MANSC4: variants seen among roughly 807,000 people sequenced by gnomAD.
MANSC4 encodes MANSC domain containing 4.
Under a neutral mutation model 11.4 loss-of-function variants are expected in MANSC4, and 11 were observed. The observed-to-expected ratio is 0.97, with a 90% CI of 0.61 to 1.60. The LOEUF is 1.60. Among genes scored for constraint, MANSC4 ranks in the 40% most tolerant of loss-of-function variants. The pLI is 0.00. For missense variants in MANSC4, 354 were observed against 404.6 expected (o/e 0.88, Z 1.07); for synonymous variants, 123 against 147.1 (o/e 0.84, Z 1.19).
chr12:27,766,512 C>T (rs144851623), intron 3 of MANSC4, among the ~76,000 whole-genome samples, 153 bp downstream of exon 3: 4 of 152,326 alleles, frequency 2.6e-5, no homozygotes, highest in African/African-American at 9.6e-5. Flanking sequence ...TTTCAGTTTT[C>T]TGTCCTAGAT....
At position 27,764,648 on chromosome 12, in the gene MANSC4, G is replaced by A. The variant is rs866065974; in HGVS notation, c.365-1252C>T. Among the ~76,000 whole-genome samples the A allele has an allele frequency of 4.6e-5, 7 of 152,138 alleles. No homozygotes were observed. In the South Asian group the frequency reaches 1.0e-3, roughly 23 times the overall value. ...CTCAATTGGCACCACTACATCAATG[G>A]TATTGAAACCCATATCAGTATGTTT... On this transcript the variant is annotated intron_variant, in intron 3 of 3. Coordinates refer to ENST00000381273, the MANE Select transcript of MANSC4 (RefSeq NM_001146221.5).
At chr12:27,779,162 C>T in intron 1 of MANSC4, among the ~76,000 whole-genome samples, 1 of 152,166 alleles carries the variant, frequency 6.6e-6, no homozygotes, top group South Asian at 2.1e-4. Flanking sequence ...CCACCGCGCT[C>T]AGCCAAACCG....
At chr12:27,768,172 C>T (rs936183019) in intron 2 of MANSC4, among the ~76,000 whole-genome samples, 6 of 151,844 alleles carry the variant, frequency 4.0e-5, no homozygotes, top group African/African-American at 9.7e-5. Context: ...GCCAAGGTGG[C>T]GGATCACTTG....
At chr12:27,776,877 A>T (rs1480951690) in intron 1 of MANSC4, among the ~76,000 whole-genome samples, 1 of 152,238 alleles carries the variant, frequency 6.6e-6, no homozygotes, top group Non-Finnish European at 1.5e-5. Flanking sequence ...TCAATAACAG[A>T]TCTATAAAAT....
At chr12:27,775,518 C>A (rs751682688) in intron 1 of MANSC4, among the ~76,000 whole-genome samples, 2 of 152,064 alleles carry the variant, frequency 1.3e-5, no homozygotes, top group Non-Finnish European at 2.9e-5. Flanking sequence ...CAGAGCAAGA[C>A]CCTGTCTCAA....
intron 1 of MANSC4, among the ~76,000 whole-genome samples, chr12:27,775,923 C>A (rs2062118193): frequency 7.5e-6 from 1 of 133,232 alleles, no homozygotes; most frequent in Non-Finnish European, 1.6e-5. Flanking sequence ...AAACCCGTTT[C>A]TACTAAAAAT....
At position 27,771,462 on chromosome 12, in the gene MANSC4, C is replaced by T. The variant is rs2062100661; in HGVS notation, c.-186G>A. Among the ~76,000 whole-genome samples the T allele has an allele frequency of 6.6e-6, 1 of 152,136 alleles. No individual in the cohort carries two copies. The highest frequency in any genetic ancestry group is 6.5e-5 in the Admixed American group (1 of 15,272). On this transcript the variant is annotated 5_prime_UTR_variant, in exon 2 of 4. Transcript: ENST00000381273. ...TTGCACATTGATTTTTCTTTTCTTC[C>T]CGAGCTCCAGGTGAACATTTGATTT...
chr12:27,778,015 C>T (rs1293972698), intron 1 of MANSC4, among the ~76,000 whole-genome samples: 2 of 151,672 alleles, frequency 1.3e-5, no homozygotes, highest in South Asian at 4.2e-4. Flanking sequence ...CACGTGAGGT[C>T]GGGAGTTCCA....
At position 27,773,520 on chromosome 12, in the gene MANSC4, T is replaced by C. The variant is rs117185496; in HGVS notation, c.-306-1938A>G. Among the ~76,000 whole-genome samples the C allele has an allele frequency of 5.6e-3, 857 of 152,338 alleles. 26 individuals carry two copies. The highest frequency in any genetic ancestry group is 0.046 in the Admixed American group (704 of 15,296). On this transcript the variant is annotated intron_variant, in intron 1 of 3. Transcript: ENST00000381273. ...ACCCAGAACCACTACACTGTTGCAA[T>C]GTGGAATACATTATATTTCTTTCCA...
In MANSC4 at chr12:27,762,664, TAACCAAAC is replaced by T; in HGVS notation, c.*66_*73del. ...CCACGCCCAGCCTATTTTTTTTTTT[TAACCAAAC>T]TGCGTTTTCTTACACAAAACTAAAA... On this transcript the variant is annotated 3_prime_UTR_variant, in exon 4 of 4. Coordinates refer to ENST00000381273, the MANE Select transcript of MANSC4 (RefSeq NM_001146221.5). 7.4e-7 allele frequency: 1 copy of T among 1,353,562 alleles called. No individual in the cohort carries two copies. The highest frequency in any genetic ancestry group is 9.8e-7 in the Non-Finnish European group (1 of 1,020,830). The allele number at this position is 1,353,562 out of a possible 1,614,324, so 83.8% of individuals were successfully genotyped here. A position where few individuals can be genotyped will look rare whatever the true frequency, so the allele number is the denominator to read the frequency against.
chr12:27,775,649 G>T (rs113470260), intron 1 of MANSC4, among the ~76,000 whole-genome samples: 1 of 151,960 alleles, frequency 6.6e-6, no homozygotes, highest in African/African-American at 2.4e-5. Flanking sequence ...CAATCCTCCC[G>T]CCCTGGCCTC....
Position 27,763,285 on chromosome 12 carries a change from T to C in MANSC4, c.476A>G (p.Lys159Arg). ...LRILKAMNLDKQTTTINGMLP... is the reference protein window; with the variant it reads ...LRILKAMNLDRQTTTINGMLP... ...CATACCATTTATCGTGGTGGTTTGT[T>C]TATCTAAATTCATAGCTTTTAGAAT... Residue 159 changes from lysine (K) to arginine (R), a missense_variant, in exon 4 of 4, where the codon AAA becomes AGA. By Grantham distance (26) the Lys-to-Arg change is conservative. Coordinates refer to ENST00000381273, the MANE Select transcript of MANSC4 (RefSeq NM_001146221.5). The C allele has an allele frequency of 1.3e-6, 2 of 1,551,760 alleles. No individual in the cohort carries two copies. The highest frequency in any genetic ancestry group is 1.7e-6 in the Non-Finnish European group (2 of 1,147,016).
Position 27,762,853 on chromosome 12 carries a change from A to T in MANSC4, c.908T>A (p.Val303Asp). The T allele has an allele frequency of 1.3e-6, 2 of 1,552,004 alleles. No individual in the cohort carries two copies. Among genetic ancestry groups the T allele is most frequent in the Non-Finnish European group, 1.7e-6 (2 of 1,147,082 alleles). ...TCCACAGCATCCAGATGCCAGGATG[A>T]CTATACAACAGCCGAGAAAGATGAC... is the stretch of plus-strand genomic sequence containing the variant. ...TSVIFLGCCI[V>D]ILASGCCGKQ... Residue 303 changes from valine (V) to aspartate (D), a missense_variant, in exon 4 of 4, where the codon GTC becomes GAC. Transcript: ENST00000381273.
intron 1 of MANSC4, among the ~76,000 whole-genome samples, chr12:27,779,339 G>A (rs2062133438): frequency 6.6e-6 from 1 of 152,164 alleles, no homozygotes; most frequent in Admixed American, 6.5e-5. Context: ...GAAAAGCAAT[G>A]GCTCATAGAA....
chr12:27,777,757 T>A (rs2062124368), intron 1 of MANSC4, among the ~76,000 whole-genome samples: 1 of 152,196 alleles, frequency 6.6e-6, no homozygotes, highest in South Asian at 2.1e-4. Flanking sequence ...TCTATGTCTT[T>A]TATTTTTTAG....
intron 1 of MANSC4, among the ~76,000 whole-genome samples, chr12:27,778,892 G>A (rs911703772): frequency 2.0e-5 from 3 of 152,094 alleles, no homozygotes; most frequent in Admixed American, 2.0e-4. Flanking sequence ...TTTCCGAGAC[G>A]GCGTCTCGCT....
At chr12:27,775,973 C>T (rs1045413246) in intron 1 of MANSC4, among the ~76,000 whole-genome samples, 6 of 151,318 alleles carry the variant, frequency 4.0e-5, no homozygotes, top group Non-Finnish European at 8.8e-5. Context: ...ACCTGTAATC[C>T]CAGCTACTTG....
intron 1 of MANSC4, among the ~76,000 whole-genome samples, chr12:27,774,156 C>T (rs1381035024): frequency 6.6e-6 from 1 of 150,628 alleles, no homozygotes; most frequent in African/African-American, 2.4e-5. Flanking sequence ...TCAAAAAAAC[C>T]AAAAAACAAA....
chr12:27,763,102 C>A lies in MANSC4; in HGVS notation c.659G>T (p.Ser220Ile), dbSNP rs2062055176. The A allele has an allele frequency of 6.4e-7, 1 of 1,551,590 alleles. No individual in the cohort carries two copies. Among genetic ancestry groups the A allele is most frequent in the African/African-American group, 1.4e-5 (1 of 73,050 alleles). ...ITTKINKVSP[S>I]TDFISNPDNK... is the part of the protein sequence containing the mutation. ...ATCTGGATTGCTGATGAAATCAGTACTTGGTGACACCTTATTTATCTTTGT... is the reference window on the plus strand; with the variant it reads ...ATCTGGATTGCTGATGAAATCAGTAATTGGTGACACCTTATTTATCTTTGT... The change falls in exon 4 of 4, where the codon AGT becomes ATT. Residue 220 changes from serine to isoleucine, a missense_variant. Physicochemically the swap from Ser to Ile is moderately radical, Grantham distance 142. Transcript: ENST00000381273.
Sources: allele counts gnomAD v4.1 joint callset (sites outside exome capture counted in the v4.1 genomes callset), GRCh38; gene constraint gnomAD v4.1.1; transcripts MANE v1.5; gene names NCBI Gene and HGNC (gene_info 2026-07-23, HGNC 2026-07-21).